FNBP1: variants seen among roughly 807,000 people sequenced by gnomAD.
The protein encoded by FNBP1 is formin binding protein 1.
FNBP1 carries 26 observed loss-of-function variants against 90.6 expected under a neutral mutation model. The ratio of observed to expected loss-of-function variants is 0.29; its 90% CI spans 0.21 to 0.40. FNBP1 has a LOEUF of 0.40. Among genes scored for constraint, FNBP1 ranks in the 10% least tolerant of loss-of-function variants. The probability of loss-of-function intolerance (pLI) is 1.00; values close to 1 mark genes in which losing one functional copy is unlikely to be tolerated. For synonymous variants in FNBP1, 260 were observed against 265.2 expected (o/e 0.98, Z 0.19); for missense variants, 635 against 768.0 (o/e 0.83, Z 2.05).
At chr9:129,944,284 T>C (rs1465484516) in intron 6 of FNBP1, among the ~76,000 whole-genome samples, 1 of 152,094 alleles carries the variant, frequency 6.6e-6, no homozygotes, top group East Asian at 1.9e-4. Context: ...AGCTCATGCC[T>C]GTAATCCCAG....
Position 129,958,485 on chromosome 9 carries a change from A to C in FNBP1, c.408+6T>G. The C allele has an allele frequency of 1.9e-6, 3 of 1,587,968 alleles. No homozygotes were observed. Among genetic ancestry groups the C allele is most frequent in the Non-Finnish European group, 2.6e-6 (3 of 1,165,726 alleles). ...CCGTTTCTTTTGCTGTGCATTGTTC[A>C]CTTACAGATTCAAGCTGCTTCCAGC... On this transcript the variant is annotated splice_donor_region_variant and intron_variant, in intron 5 of 16. Coordinates refer to ENST00000446176, the MANE Select transcript of FNBP1 (RefSeq NM_015033.3).
At chr9:129,992,782 G>C (rs2053394498) in intron 2 of FNBP1, among the ~76,000 whole-genome samples, 1 of 150,144 alleles carries the variant, frequency 6.7e-6, no homozygotes, top group South Asian at 2.1e-4. Context: ...TCAAACTCCT[G>C]ACCTCGTGAT....
At chr9:130,048,624 G>C in the FNBP1 span, among the ~76,000 whole-genome samples, 1 of 150,638 alleles carries the variant, frequency 6.6e-6, no homozygotes, top group Non-Finnish European at 1.5e-5. Context: ...GACTACAGGC[G>C]CCCGCCATCA....
intron 11 of FNBP1, chr9:129,910,059 C>T (rs969248568): frequency 2.2e-6 from 1 of 449,582 alleles, no homozygotes; most frequent in Non-Finnish European, 4.5e-6. Context: ...GCTCTCTTTA[C>T]ACTGTGCATG....
intron 1 of FNBP1, among the ~76,000 whole-genome samples, chr9:130,026,056 T>A (rs2058310781): frequency 6.7e-6 from 1 of 150,130 alleles, no homozygotes; most frequent in Non-Finnish European, 1.5e-5. Context: ...ATTATCTCCA[T>A]TTTACAGATG....
the FNBP1 span, among the ~76,000 whole-genome samples, chr9:130,050,861 C>G: frequency 6.7e-6 from 1 of 148,304 alleles, no homozygotes; most frequent in Non-Finnish European, 1.5e-5. Flanking sequence ...GAGTCTTGCT[C>G]TGTCGCACAG....
chr9:129,893,635 A>AG, intron 16 of FNBP1, among the ~76,000 whole-genome samples: 2 of 140,266 alleles, frequency 1.4e-5, no homozygotes, highest in African/African-American at 2.7e-5. Context: ...AAAAAAAAAA[A>AG]AAGCCAGGCA....
the FNBP1 span, among the ~76,000 whole-genome samples, chr9:130,048,478 A>G: frequency 1.6e-5 from 2 of 122,948 alleles, no homozygotes; most frequent in Non-Finnish European, 1.7e-5. Context: ...TTCCTTCTCT[A>G]AGCCTCAGTT....
At chr9:129,993,614 C>G (rs980370759) in intron 2 of FNBP1, among the ~76,000 whole-genome samples, 1 of 128,290 alleles carries the variant, frequency 7.8e-6, no homozygotes, top group Non-Finnish European at 1.6e-5. Context: ...CCACACCTGG[C>G]CCCAAAGCAC....
chr9:129,895,754 T>C (rs914730785), intron 16 of FNBP1, 84 bp downstream of exon 16: 10 of 1,442,640 alleles, frequency 6.9e-6, no homozygotes, highest in East Asian at 5.1e-5. Flanking sequence ...AGGAACTGCC[T>C]GTAACAGTCA....
At chr9:130,015,805 G>C (rs747754976) in intron 1 of FNBP1, among the ~76,000 whole-genome samples, 4 of 152,170 alleles carry the variant, frequency 2.6e-5, no homozygotes, top group Non-Finnish European at 5.9e-5. Flanking sequence ...CTCCTGAGTA[G>C]CTGGGACTAC....
In FNBP1 at chr9:129,929,715, T is replaced by C; in HGVS notation, c.514-20A>G. The C allele has an allele frequency of 6.2e-7, 1 of 1,613,516 alleles. No individual in the cohort carries two copies. Among genetic ancestry groups the C allele is most frequent in the South Asian group, 1.1e-5 (1 of 91,078 alleles). ...TCGGGCCTTAGGGCAAAAACAAGAA[T>C]ACTCCTACGTTTATACACCATAGAT... is the stretch of plus-strand genomic sequence containing the variant. On this transcript the variant is annotated intron_variant, in intron 6 of 16. Coordinates refer to ENST00000446176, the MANE Select transcript of FNBP1 (RefSeq NM_015033.3).
At chr9:130,043,644 G>A (rs1056458712), upstream of FNBP1, among the ~76,000 whole-genome samples, 4 of 152,232 alleles carry the variant, frequency 2.6e-5, no homozygotes, top group Admixed American at 2.0e-4. Context: ...CGAGAGTCCC[G>A]CAGGCTGGCG....
At chr9:129,897,048 C>A (rs1007716906) in intron 15 of FNBP1, among the ~76,000 whole-genome samples, 7 of 152,216 alleles carry the variant, frequency 4.6e-5, no homozygotes, top group Admixed American at 2.0e-4. Flanking sequence ...ATGGCCCCAA[C>A]ACCTGAAACA....
intron 1 of FNBP1, among the ~76,000 whole-genome samples, chr9:130,015,983 CATTTGGA>C (rs1299498897): frequency 1.3e-5 from 2 of 152,144 alleles, no homozygotes; most frequent in Non-Finnish European, 1.5e-5. Context: ...TAGACATTTT[CATTTGGA>C]ATTTGGAATT....
intron 12 of FNBP1, among the ~76,000 whole-genome samples, chr9:129,906,534 C>T (rs980660603): frequency 2.0e-5 from 3 of 152,180 alleles, no homozygotes; most frequent in South Asian, 2.1e-4. Flanking sequence ...CAAGCTCTGC[C>T]GAATGCCACC....
chr9:129,983,233 G>A (rs1469597613), intron 2 of FNBP1, among the ~76,000 whole-genome samples: 1 of 152,002 alleles, frequency 6.6e-6, no homozygotes, highest in African/African-American at 2.4e-5. Context: ...TACTAAACAG[G>A]ATTAAATTAG....
chr9:130,019,088 A>G (rs2057552725), intron 1 of FNBP1, among the ~76,000 whole-genome samples: 1 of 152,010 alleles, frequency 6.6e-6, no homozygotes, highest in Non-Finnish European at 1.5e-5. Context: ...TTAGCCGGGC[A>G]TGGTGGCCTG....
intron 1 of FNBP1, among the ~76,000 whole-genome samples, chr9:130,037,234 C>A (rs1216296899): frequency 6.6e-6 from 1 of 150,430 alleles, no homozygotes; most frequent in Non-Finnish European, 1.5e-5. Context: ...GTGGTGGGGG[C>A]CTGCAGCTAC....
Sources: gnomAD v4.1 joint callset for allele counts (sites outside exome capture counted in the v4.1 genomes callset) on GRCh38, gnomAD v4.1.1 for gene constraint, MANE v1.5 for transcripts, NCBI Gene and HGNC (gene_info 2026-07-23, HGNC 2026-07-21) for gene names.